PUS7: variants seen among roughly 807,000 people sequenced by gnomAD.
The protein encoded by PUS7 is pseudouridine synthase 7, also known as pseudouridylate synthase 7 homolog.
PUS7 carries 48 observed loss-of-function variants against 79.8 expected under a neutral mutation model. The ratio of observed to expected loss-of-function variants is 0.60; its 90% CI spans 0.48 to 0.76. The LOEUF (loss-of-function observed/expected upper bound fraction) is 0.76, where lower values mean the gene tolerates loss of function less well. Among genes scored for constraint, PUS7 ranks in the 30% least tolerant of loss-of-function variants. PUS7 has a pLI of 0.00. For missense variants in PUS7, 729 were observed against 797.6 expected, an observed-to-expected ratio of 0.91 and a Z score of 1.04; for synonymous variants, 286 against 272.2, an observed-to-expected ratio of 1.05 and a Z score of -0.50.
At chr7:105,520,077 A>G (rs1826044926) in intron 1 of PUS7, among the ~76,000 whole-genome samples, 1 of 152,220 alleles carries the variant, frequency 6.6e-6, no homozygotes, top group African/African-American at 2.4e-5. Flanking sequence ...TAATCCCAGC[A>G]CTTCGGAAGG....
At chr7:105,506,374 A>C in intron 2 of PUS7, 101 bp from the exon 3 acceptor site, 1 of 817,314 alleles carries the variant, frequency 1.2e-6, no homozygotes, top group East Asian at 2.8e-5. Flanking sequence ...TATGCAAAAC[A>C]AGGAATTTTA....
At chr7:105,476,788 T>A (rs918960894) in intron 9 of PUS7, among the ~76,000 whole-genome samples, 6 of 152,244 alleles carry the variant, frequency 3.9e-5, no homozygotes, top group African/African-American at 1.4e-4. Context: ...TGTTTTGTGA[T>A]AATAGCCTTC....
At chr7:105,503,630 C>T (rs1254711357) in intron 4 of PUS7, among the ~76,000 whole-genome samples, 3 of 152,020 alleles carry the variant, frequency 2.0e-5, no homozygotes, top group South Asian at 2.1e-4. Flanking sequence ...TATGTTATTG[C>T]TATTATTATA....
At chr7:105,468,198 G>A in intron 12 of PUS7, 139 bp downstream of exon 12, 4 of 1,162,440 alleles carry the variant, frequency 3.4e-6, no homozygotes, top group Non-Finnish European at 4.8e-6. Flanking sequence ...CACCCAAAGT[G>A]TCAGGATTAT....
chr7:105,468,591 C>A, intron 11 of PUS7, 128 bp from the exon 12 acceptor site: 1 of 748,406 alleles, frequency 1.3e-6, no homozygotes. Context: ...GATCTAGGCT[C>A]ATTGTAGCCT....
At chr7:105,504,136 C>CTTTTTTTG (rs1586165458) in intron 4 of PUS7, among the ~76,000 whole-genome samples, 1 of 147,726 alleles carries the variant, frequency 6.8e-6, no homozygotes, top group Non-Finnish European at 1.5e-5. Flanking sequence ...ATGGCACGAT[C>CTTTTTTTG]TCGGCTCACT....
chr7:105,506,783 A>G (rs994099909), intron 2 of PUS7, among the ~76,000 whole-genome samples: 5 of 152,092 alleles, frequency 3.3e-5, no homozygotes, highest in Non-Finnish European at 5.9e-5. Context: ...ATGAGAACTT[A>G]AAGAAAAGAC....
intron 9 of PUS7, among the ~76,000 whole-genome samples, chr7:105,475,611 C>T (rs1240773755): frequency 6.6e-6 from 1 of 152,174 alleles, no homozygotes; most frequent in African/African-American, 2.4e-5. Context: ...TGTGAGCCAC[C>T]ACGCCTGACC....
chr7:105,480,146 T>TA (rs1366880110), intron 9 of PUS7, among the ~76,000 whole-genome samples: 5 of 152,206 alleles, frequency 3.3e-5, no homozygotes, highest in Non-Finnish European at 7.3e-5. Flanking sequence ...TTGAATCACT[T>TA]ACTGAGCCAA....
chr7:105,457,912 C>A lies in PUS7; in HGVS notation c.1864G>T (p.Ala622Ser). The A allele has an allele frequency of 6.2e-7, 1 of 1,613,698 alleles. No individual in the cohort carries two copies. The highest frequency in any genetic ancestry group is 8.5e-7 in the Non-Finnish European group (1 of 1,179,796). Residue 622 changes from alanine to serine, a missense_variant, in exon 16 of 16, where the codon GCT (alanine) becomes TCT (serine). Coordinates refer to ENST00000469408, the MANE Select transcript of PUS7 (RefSeq NM_019042.5). ...PVFASEGKYRALKMDFSLPPS... is the reference protein window; with the variant it reads ...PVFASEGKYRSLKMDFSLPPS... ...GGTAGAGAAAAATCCATTTTCAGAG[C>A]CCTGTATTTGCCTTCTGCAAGGCAA...
At chr7:105,464,611 T>TA in intron 13 of PUS7, among the ~76,000 whole-genome samples, 1 of 152,288 alleles carries the variant, frequency 6.6e-6, no homozygotes, top group East Asian at 1.9e-4. Flanking sequence ...CTCTGGGACT[T>TA]ATACTGGTGG....
intron 5 of PUS7, among the ~76,000 whole-genome samples, chr7:105,501,877 C>A (rs1825262904): frequency 6.6e-6 from 1 of 151,192 alleles, no homozygotes; most frequent in African/African-American, 2.4e-5. Context: ...ATGGCATGAA[C>A]CCAGGAGGCG....
At chr7:105,473,741 A>T (rs897798418) in intron 9 of PUS7, among the ~76,000 whole-genome samples, 1 of 151,906 alleles carries the variant, frequency 6.6e-6, no homozygotes, top group African/African-American at 2.4e-5. Flanking sequence ...TTTAGTAGAG[A>T]CGAGGTTTCA....
At chr7:105,496,218 TATATATATAG>T (rs1356704895) in intron 5 of PUS7, among the ~76,000 whole-genome samples, 32 of 81,840 alleles carry the variant, frequency 3.9e-4, no homozygotes, top group South Asian at 1.0e-3. Flanking sequence ...TATATATATA[TATATATATAG>T]AGAGAGAGAG....
At chr7:105,486,048 TG>T (rs1017826977) in intron 7 of PUS7, among the ~76,000 whole-genome samples, 2 of 150,308 alleles carry the variant, frequency 1.3e-5, no homozygotes, top group African/African-American at 2.4e-5. Flanking sequence ...TTTTTTTTTT[TG>T]TTTTGTTTTG....
At chr7:105,462,774 G>C (rs373915473) in intron 13 of PUS7, 24 bp from the exon 14 acceptor site, 26 of 1,597,628 alleles carry the variant, frequency 1.6e-5, no homozygotes, top group Non-Finnish European at 2.2e-5. Flanking sequence ...CAAAAAGTTA[G>C]TTGAAATGCA....
intron 9 of PUS7, among the ~76,000 whole-genome samples, chr7:105,475,828 C>CAT (rs981357624): frequency 2.0e-5 from 3 of 152,082 alleles, no homozygotes; most frequent in Admixed American, 1.3e-4. Flanking sequence ...ACTCTATACC[C>CAT]ATTAAATAAT....
intron 4 of PUS7, among the ~76,000 whole-genome samples, chr7:105,503,404 G>A (rs931555033): frequency 6.6e-6 from 1 of 152,074 alleles, no homozygotes; most frequent in Non-Finnish European, 1.5e-5. Flanking sequence ...TTATAATGAG[G>A]TTCTAGCACA....
At chr7:105,484,244 G>A (rs1428697285) in intron 7 of PUS7, among the ~76,000 whole-genome samples, 1 of 152,142 alleles carries the variant, frequency 6.6e-6, no homozygotes, top group Non-Finnish European at 1.5e-5. Context: ...ACCCAAGCAT[G>A]ATTGTTGGCT....
Sources: gnomAD v4.1 joint callset for allele counts (sites outside exome capture counted in the v4.1 genomes callset) on GRCh38, gnomAD v4.1.1 for gene constraint, MANE v1.5 for transcripts, NCBI Gene and HGNC (gene_info 2026-07-23, HGNC 2026-07-21) for gene names.